FBXO34: variants seen among roughly 807,000 people sequenced by gnomAD.
FBXO34 encodes the protein F-box only protein 34.
In FBXO34, 12 loss-of-function variants were observed where a neutral mutation model predicts 24.5. The ratio of observed to expected loss-of-function variants is 0.49; its 90% confidence interval spans 0.31 to 0.79. The LOEUF (loss-of-function observed/expected upper bound fraction) is 0.79, where lower values mean the gene tolerates loss of function less well. FBXO34 is among the 30% of genes least tolerant of loss of function. The pLI is 0.04. For missense variants in FBXO34, 823 were observed against 857.7 expected (o/e 0.96, Z 0.51); for synonymous variants, 320 against 311.9 (o/e 1.03, Z -0.27).
chr14:55,369,824 C>T (rs767622698), downstream of FBXO34: 1 of 1,614,200 alleles, frequency 6.2e-7, no homozygotes, highest in African/African-American at 1.3e-5. Context: ...TTCTTCATCG[C>T]TGACGCGCTC....
downstream of FBXO34, among the ~76,000 whole-genome samples, chr14:55,374,314 C>T (rs77236207): frequency 7.7e-4 from 118 of 152,302 alleles, no homozygotes; most frequent in African/African-American, 2.7e-3. Flanking sequence ...CCTCCAACTC[C>T]TGAGCTCAAG....
At chr14:55,310,972 A>T (rs1301823081) in intron 1 of FBXO34, among the ~76,000 whole-genome samples, 1 of 152,224 alleles carries the variant, frequency 6.6e-6, no homozygotes, top group Non-Finnish European at 1.5e-5. Flanking sequence ...AACCTGACAT[A>T]TATAAAGACA....
the FBXO34 span, among the ~76,000 whole-genome samples, chr14:55,434,415 C>T: frequency 6.6e-6 from 1 of 152,170 alleles, no homozygotes; most frequent in Non-Finnish European, 1.5e-5. Flanking sequence ...CAGATAGTCT[C>T]TTCACCCCAA....
At chr14:55,383,635 G>T in the FBXO34 span, among the ~76,000 whole-genome samples, 1 of 151,902 alleles carries the variant, frequency 6.6e-6, no homozygotes, top group African/African-American at 2.4e-5. Context: ...CCATCATGAT[G>T]ACTCATGCCT....
At chr14:55,295,980 A>G (rs936514881) in intron 1 of FBXO34, among the ~76,000 whole-genome samples, 5 of 152,196 alleles carry the variant, frequency 3.3e-5, no homozygotes, top group Non-Finnish European at 5.9e-5. Context: ...CTGAAGCAGT[A>G]ATGTTATGTT....
At chr14:55,400,533 G>T in the FBXO34 span, among the ~76,000 whole-genome samples, 1 of 152,262 alleles carries the variant, frequency 6.6e-6, no homozygotes, top group South Asian at 2.1e-4. Flanking sequence ...TTTTCACTAT[G>T]ATCAGTAACG....
At chr14:55,304,418 T>C (rs1882468610) in intron 1 of FBXO34, among the ~76,000 whole-genome samples, 1 of 152,150 alleles carries the variant, frequency 6.6e-6, no homozygotes, top group Non-Finnish European at 1.5e-5. Flanking sequence ...GGTATAAAAC[T>C]CCTGGCCTCA....
At chr14:55,301,448 A>T (rs761638434) in intron 1 of FBXO34, among the ~76,000 whole-genome samples, 20 of 152,084 alleles carry the variant, frequency 1.3e-4, no homozygotes, top group Admixed American at 3.3e-4. Flanking sequence ...AAAAAAAAAA[A>T]CAAGAAAAAC....
At chr14:55,283,403 T>A (rs1881628099) in intron 1 of FBXO34, among the ~76,000 whole-genome samples, 1 of 152,196 alleles carries the variant, frequency 6.6e-6, no homozygotes, top group South Asian at 2.1e-4. Context: ...TCTTTTAGCA[T>A]AATTTTACAG....
the FBXO34 span, among the ~76,000 whole-genome samples, chr14:55,380,877 T>TATATA: frequency 2.8e-3 from 123 of 43,614 alleles, no homozygotes; most frequent in African/African-American, 9.5e-3. Context: ...ATATATATAT[T>TATATA]TTTTTTTTTT....
At chr14:55,380,757 GT>G in the FBXO34 span, 1 of 1,027,774 alleles carries the variant, frequency 9.7e-7, no homozygotes, top group Non-Finnish European at 1.5e-6. Flanking sequence ...TAATCCACGA[GT>G]TTATCATTTA....
rs1281366891 is a variant in FBXO34 at position 55,297,958 on chromosome 14, A to G, written c.-11+26421A>G. ...CACTTCTTGGACTTGAGAAATGTTG[A>G]AAGTTTCTTTACAAATGGATGTCTA... is the stretch of plus-strand genomic sequence containing the variant. On this transcript the variant is annotated intron_variant, in intron 1 of 1. Transcript: ENST00000313833. Among the ~76,000 whole-genome samples, 3 of 152,220 alleles carry G rather than the reference A, an allele frequency of 2.0e-5. No individual in the cohort carries two copies. The South Asian group carries it at 6.2e-4, about 32-fold the overall frequency.
At chr14:55,378,797 C>CT in the FBXO34 span, among the ~76,000 whole-genome samples, 1 of 152,190 alleles carries the variant, frequency 6.6e-6, no homozygotes, top group Non-Finnish European at 1.5e-5. Context: ...CCTCAATCTC[C>CT]TGGGCTCAAG....
chr14:55,406,300 C>T, the FBXO34 span, among the ~76,000 whole-genome samples: 2 of 152,218 alleles, frequency 1.3e-5, no homozygotes, highest in South Asian at 4.1e-4. Context: ...CAGGCACAGA[C>T]GGTTTGGCTA....
the FBXO34 span, among the ~76,000 whole-genome samples, chr14:55,409,438 T>C: frequency 6.6e-6 from 1 of 151,606 alleles, no homozygotes; most frequent in Non-Finnish European, 1.5e-5. Flanking sequence ...CAAATTAATA[T>C]GTACAACCAT....
chr14:55,426,481 C>T, the FBXO34 span, among the ~76,000 whole-genome samples: 1 of 152,030 alleles, frequency 6.6e-6, no homozygotes, highest in Non-Finnish European at 1.5e-5. Flanking sequence ...ATAATTATAA[C>T]TGATTATGTA....
the FBXO34 span, chr14:55,414,300 G>C: frequency 7.1e-5 from 77 of 1,086,744 alleles, no homozygotes; most frequent in Non-Finnish European, 9.9e-5. Flanking sequence ...ACAATTAAAC[G>C]TAGAAGAATC....
chr14:55,381,435 A>G, the FBXO34 span, among the ~76,000 whole-genome samples: 1 of 152,232 alleles, frequency 6.6e-6, no homozygotes, highest in Non-Finnish European at 1.5e-5. Context: ...TCTTTAAATA[A>G]CGTCCTCTTA....
the FBXO34 span, among the ~76,000 whole-genome samples, chr14:55,393,654 C>T: frequency 6.6e-6 from 1 of 151,588 alleles, no homozygotes; most frequent in Non-Finnish European, 1.5e-5. Context: ...AAGTGATCCT[C>T]CCACCTCAAC....
Sources: gnomAD v4.1 joint callset for allele counts (sites outside exome capture counted in the v4.1 genomes callset) on GRCh38, gnomAD v4.1.1 for gene constraint, MANE v1.5 for transcripts, NCBI Gene and HGNC (gene_info 2026-07-23, HGNC 2026-07-21) for gene names.